Variants in OR10A2 observed in about 807,000 individuals in gnomAD.
The protein encoded by OR10A2 is olfactory receptor family 10 subfamily A member 2, also known as olfactory receptor 10A2.
A neutral mutation model predicts 13.7 loss-of-function variants in OR10A2; 15 were observed. The ratio of observed to expected loss-of-function variants is 1.10; its 90% CI spans 0.73 to 1.69. The LOEUF (loss-of-function observed/expected upper bound fraction) is 1.69. Ranked by LOEUF, OR10A2 falls within the 40% of genes most tolerant of loss-of-function variation. The probability of loss-of-function intolerance (pLI) is 0.00; values close to 1 mark genes in which losing one functional copy is unlikely to be tolerated. For synonymous variants in OR10A2, 145 were observed against 144.7 expected (o/e 1.00, Z -0.02); for missense variants, 343 against 361.1 (o/e 0.95, Z 0.41).
chr11:6,869,790 A>G lies in OR10A2; in HGVS notation c.36A>G (p.Ser12=), dbSNP rs1171812656. 1 of 1,614,040 alleles carries G rather than the reference A, an allele frequency of 6.2e-7. No homozygotes were observed. Among genetic ancestry groups the G allele is most frequent in the Non-Finnish European group, 8.5e-7 (1 of 1,180,014 alleles). The stretch of plus-strand genomic sequence containing the variant: ...CTTCCCTGCCTACTGAAATACAGTC[A>G]TTACTCTTTCTGACATTTCTAACCA... ...SFSSLPTEIQ[S]LLFLTFLTIY... The change falls in exon 2 of 2, where the codon TCA becomes TCG. Residue 12 remains serine (S), a synonymous_variant. Transcript: ENST00000641461.
rs767302659 is a variant in OR10A2 at position 6,870,706 on chromosome 11, A to C, written c.*40A>C. On this transcript the variant is annotated 3_prime_UTR_variant, in exon 2 of 2. Coordinates refer to ENST00000641461, the MANE Select transcript of OR10A2 (RefSeq NM_001004460.2). ...GGCTACATTTTACTGGATGAGAAAC[A>C]ATCAGTCCCAGATTTGAGATTCCTC... The C allele has an allele frequency of 2.1e-6, 3 of 1,423,602 alleles. No homozygotes were observed. The highest frequency in any genetic ancestry group is 2.9e-6 in the Non-Finnish European group (3 of 1,049,256). The allele number at this position is 1,423,602 out of a possible 1,614,324, so 88.2% of individuals were successfully genotyped here.
chr11:6,869,474 G>A, intron 1 of OR10A2, 149 bp from the exon 2 acceptor site: 1 of 439,978 alleles, frequency 2.3e-6, no homozygotes, highest in Admixed American at 3.8e-5. Context: ...AATAACTTAA[G>A]GTGTGAACAG....
rs1433785644 is a variant in OR10A2, at chr11:6,874,660, A to G, written c.*3994A>G. 2.0e-5 allele frequency: 3 copies of G among 152,218 alleles called. No individual in the cohort carries two copies. The highest frequency in any genetic ancestry group is 2.0e-4 in the Admixed American group (3 of 15,280). 9.4% of individuals were successfully genotyped at this position (152,218 alleles called of 1,614,324 possible). On this transcript the variant is annotated 3_prime_UTR_variant, in exon 2 of 2. Transcript: ENST00000641461. ...TGTGTCTCAGATTCCTTGACTGTAAAATGGGTATAATACTATCTGTATCTT... is the reference window on the plus strand; with the variant it reads ...TGTGTCTCAGATTCCTTGACTGTAAGATGGGTATAATACTATCTGTATCTT...
intron 1 of OR10A2, among the ~76,000 whole-genome samples, chr11:6,864,726 A>T (rs941317388): frequency 6.6e-6 from 1 of 152,050 alleles, no homozygotes; most frequent in Non-Finnish European, 1.5e-5. Flanking sequence ...AACTCTGTTC[A>T]GTAAATAGTA....
intron 1 of OR10A2, 65 bp from the exon 2 acceptor site, chr11:6,869,558 T>C (rs1259171033): frequency 3.3e-6 from 2 of 612,832 alleles, no homozygotes; most frequent in Non-Finnish European, 5.8e-6. Flanking sequence ...TATTGTGTTT[T>C]ATTCTTAGAC....
intron 1 of OR10A2, among the ~76,000 whole-genome samples, chr11:6,865,745 G>A (rs544632282): frequency 2.2e-4 from 33 of 152,226 alleles, no homozygotes; most frequent in African/African-American, 7.7e-4. Flanking sequence ...CTTTTTATCA[G>A]TTTTTTATGT....
Position 6,870,263 on chromosome 11 carries a change from C to A in OR10A2, c.509C>A (p.Pro170His), listed in dbSNP as rs1564921045. ...KVNHFFCDSPPVLRLVCADTA... is the reference protein window; with the variant it reads ...KVNHFFCDSPHVLRLVCADTA... ...AACCACTTCTTCTGTGACAGCCCAC[C>A]TGTGCTGAGGCTGGTCTGTGCAGAC... Residue 170 changes from proline to histidine, a missense_variant, in exon 2 of 2, where the codon CCT becomes CAT. By Grantham distance (77) the Pro-to-His change is moderately conservative (BLOSUM62 -2). Coordinates refer to ENST00000641461, the MANE Select transcript of OR10A2 (RefSeq NM_001004460.2). 2.5e-6 allele frequency: 4 copies of A among 1,614,114 alleles called. No individual in the cohort carries two copies. In the African/African-American group the frequency reaches 5.3e-5, roughly 22 times the overall value.
At chr11:6,869,014 A>G (rs1471113998) in intron 1 of OR10A2, among the ~76,000 whole-genome samples, 1 of 152,244 alleles carries the variant, frequency 6.6e-6, no homozygotes, top group Admixed American at 6.5e-5. Flanking sequence ...ATAAGGCATG[A>G]CAGTCCAACA....
At chr11:6,864,027 A>G (rs1477481758) in intron 1 of OR10A2, among the ~76,000 whole-genome samples, 1 of 152,146 alleles carries the variant, frequency 6.6e-6, no homozygotes, top group Non-Finnish European at 1.5e-5. Context: ...GTGACCAAGA[A>G]ATTTTTCTAC....
chr11:6,870,892 G>T lies in OR10A2; in HGVS notation c.*226G>T. 5.4e-6 allele frequency: 2 copies of T among 369,836 alleles called. No individual in the cohort carries two copies. Among genetic ancestry groups the T allele is most frequent in the Middle Eastern group, 4.2e-4 (1 of 2,364 alleles). 22.9% of individuals were successfully genotyped at this position (369,836 alleles called of 1,614,324 possible). ...ATTGTAGACTTACATTGTTTTCCTT[G>T]TTTCAACTGGTATGACAGCACTTCT... On this transcript the variant is annotated 3_prime_UTR_variant, in exon 2 of 2. Transcript: ENST00000641461.
At chr11:6,864,885 C>A (rs1165537079) in intron 1 of OR10A2, among the ~76,000 whole-genome samples, 3 of 148,618 alleles carry the variant, frequency 2.0e-5, no homozygotes, top group Non-Finnish European at 4.4e-5. Flanking sequence ...TCAGGCTCTG[C>A]CATTTATTTT....
rs534761977 is a variant in OR10A2 at position 6,869,876 on chromosome 11, T to C, written c.122T>C (p.Met41Thr). 1.2e-6 allele frequency: 2 copies of C among 1,614,162 alleles called. No homozygotes were observed. The highest frequency in any genetic ancestry group is 1.7e-6 in the Non-Finnish European group (2 of 1,180,004). The stretch of plus-strand genomic sequence containing the variant: ...ATTCTGGTTACCCTAGCTGACCCCA[T>C]GCTACACAGCCCCATGTACTTCTTC... ...LIILVTLADP[M>T]LHSPMYFFLR... The change falls in exon 2 of 2, where the codon ATG becomes ACG. Residue 41 changes from methionine to threonine, a missense_variant. Physicochemically the swap from Met to Thr is moderately conservative, Grantham distance 81. Transcript: ENST00000641461.
chr11:6,869,188 T>G (rs930992899), intron 1 of OR10A2, among the ~76,000 whole-genome samples: 147 of 152,336 alleles, frequency 9.6e-4, no homozygotes, highest in African/African-American at 3.4e-3. Context: ...TAAATGGTCC[T>G]CAATACATGC....
chr11:6,871,957 C>A lies in OR10A2; in HGVS notation c.*1291C>A, dbSNP rs1211628965. ...CTATATATATTGATTGTCTATCTAG[C>A]TCCCCTCTGAACTTATTGCACCATT... On this transcript the variant is annotated 3_prime_UTR_variant, in exon 2 of 2. Transcript: ENST00000641461. The A allele has an allele frequency of 1.3e-5, 2 of 152,122 alleles. No homozygotes were observed. The highest frequency in any genetic ancestry group is 1.3e-4 in the Admixed American group (2 of 15,262). 9.4% of individuals were successfully genotyped at this position (152,122 alleles called of 1,614,324 possible).
At position 6,872,208 on chromosome 11, in the gene OR10A2, A is replaced by G. The variant is rs371926676; in HGVS notation, c.*1542A>G. On this transcript the variant is annotated 3_prime_UTR_variant, in exon 2 of 2. Coordinates refer to ENST00000641461, the MANE Select transcript of OR10A2 (RefSeq NM_001004460.2). ...TGAGTTATAGATTAGACGATTAGCA[A>G]TTGGTGATGTCTTGGTGTTTTATTT... 3 of 152,322 alleles carry G rather than the reference A, an allele frequency of 2.0e-5. No homozygotes were observed. The highest frequency in any genetic ancestry group is 7.2e-5 in the African/African-American group (3 of 41,572). The allele number at this position is 152,322 out of a possible 1,614,324, so 9.4% of individuals were successfully genotyped here.
In OR10A2 at chr11:6,871,303, A is replaced by G. The variant is rs1163983340; in HGVS notation, c.*637A>G. 2 of 152,264 alleles carry G rather than the reference A, an allele frequency of 1.3e-5. No homozygotes were observed. Among genetic ancestry groups the G allele is most frequent in the Non-Finnish European group, 2.9e-5 (2 of 68,070 alleles). 9.4% of individuals were successfully genotyped at this position (152,264 alleles called of 1,614,324 possible). A position where few individuals can be genotyped will look rare whatever the true frequency, so the allele number is the denominator to read the frequency against. On this transcript the variant is annotated 3_prime_UTR_variant, in exon 2 of 2. Coordinates refer to ENST00000641461, the MANE Select transcript of OR10A2 (RefSeq NM_001004460.2). ...GCACAATATGAAACTGCTAGTCATT[A>G]TAACATGGGGGCACACATAGTAACA...
Position 6,870,628 on chromosome 11 carries a change from G to T in OR10A2, c.874G>T (p.Val292Phe), listed in dbSNP as rs376906909. ...GGTGAAGAATGCCCTCAGCAGGACG[G>T]TCTCTAAGGCCCTAGCCCTCAGAAA... ...NEVKNALSRTVSKALALRNCI... is the reference protein window; with the variant it reads ...NEVKNALSRTFSKALALRNCI... Residue 292 changes from valine (V) to phenylalanine (F), a missense_variant, in exon 2 of 2, where the codon GTC becomes TTC. By Grantham distance (50) the Val-to-Phe change is conservative. Coordinates refer to ENST00000641461, the MANE Select transcript of OR10A2 (RefSeq NM_001004460.2). The T allele has an allele frequency of 6.2e-7, 1 of 1,607,612 alleles. No homozygotes were observed. Among genetic ancestry groups the T allele is most frequent in the Non-Finnish European group, 8.5e-7 (1 of 1,176,972 alleles).
Position 6,869,679 on chromosome 11 carries a change from C to G in OR10A2, c.-76C>G. On this transcript the variant is annotated 5_prime_UTR_variant, in exon 2 of 2. Coordinates refer to ENST00000641461, the MANE Select transcript of OR10A2 (RefSeq NM_001004460.2). The stretch of plus-strand genomic sequence containing the variant: ...CTGACTTCCAATCAATAATCTTTCT[C>G]CATGACCACAGTTGGGGACTTCTGC... The G allele has an allele frequency of 1.6e-6, 2 of 1,212,998 alleles. No individual in the cohort carries two copies. The highest frequency in any genetic ancestry group is 2.4e-6 in the Non-Finnish European group (2 of 841,540). The allele number at this position is 1,212,998 out of a possible 1,614,324, so 75.1% of individuals were successfully genotyped here.
chr11:6,864,826 G>T (rs1360285158), intron 1 of OR10A2, among the ~76,000 whole-genome samples: 1 of 151,306 alleles, frequency 6.6e-6, no homozygotes, highest in Non-Finnish European at 1.5e-5. Flanking sequence ...ATTTCATATG[G>T]CTTGTTGAAA....
Sources: gnomAD v4.1 joint callset for allele counts (sites outside exome capture counted in the v4.1 genomes callset) on GRCh38, gnomAD v4.1.1 for gene constraint, MANE v1.5 for transcripts, NCBI Gene and HGNC (gene_info 2026-07-23, HGNC 2026-07-21) for gene names.